Variants in HTT observed in about 807,000 individuals in gnomAD.
HTT encodes huntington disease protein.
HTT carries 104 observed loss-of-function variants against 362.3 expected under a neutral mutation model. The observed-to-expected ratio is 0.29, with a 90% CI of 0.24 to 0.34. HTT has a LOEUF of 0.34. HTT is among the 10% of genes least tolerant of loss of function. HTT has a pLI of 1.00. For missense variants in HTT, 3,301 were observed against 3,928.6 expected, an observed-to-expected ratio of 0.84 and a Z score of 4.27; for synonymous variants, 1,577 against 1,548.7, an observed-to-expected ratio of 1.02 and a Z score of -0.43.
At chr4:3,159,835 C>T (rs1413889985) in intron 28 of HTT, among the ~76,000 whole-genome samples, 1 of 152,168 alleles carries the variant, frequency 6.6e-6, no homozygotes, top group African/African-American at 2.4e-5. Context: ...ACACATCTTA[C>T]ACCTGATTTA....
intron 61 of HTT, 130 bp from the exon 62 acceptor site, chr4:3,235,154 T>G (rs2798230): frequency 0.98 from 653,325 of 664,262 alleles, 321,945 homozygotes; most frequent in East Asian, 1. Flanking sequence ...GGGGAGCCAC[T>G]CAGGGTAGGC....
chr4:3,208,410 A>G (rs1240177926), intron 45 of HTT, among the ~76,000 whole-genome samples: 1 of 152,246 alleles, frequency 6.6e-6, no homozygotes, highest in Non-Finnish European at 1.5e-5. Context: ...GAATTTGTGC[A>G]TTTGAGTCTT....
At chr4:3,183,735 T>G (rs889093527) in intron 37 of HTT, among the ~76,000 whole-genome samples, 1 of 152,206 alleles carries the variant, frequency 6.6e-6, no homozygotes, top group Admixed American at 6.5e-5. Flanking sequence ...TCCCATTCTT[T>G]TCTGTGCGTA....
chr4:3,085,470 C>T (rs1713160981), intron 1 of HTT, among the ~76,000 whole-genome samples: 1 of 151,842 alleles, frequency 6.6e-6, no homozygotes, highest in Non-Finnish European at 1.5e-5. Flanking sequence ...AAAGTGACTA[C>T]ATTTACCAAA....
chr4:3,181,292 A>C (rs1718514723), intron 36 of HTT, among the ~76,000 whole-genome samples: 1 of 152,236 alleles, frequency 6.6e-6, no homozygotes, highest in African/African-American at 2.4e-5. Flanking sequence ...ACGAGGACCA[A>C]AAATCAATTG....
chr4:3,211,421 A>G (rs183229364), intron 47 of HTT, among the ~76,000 whole-genome samples: 234 of 152,326 alleles, frequency 1.5e-3, no homozygotes, highest in Middle Eastern at 0.01. Flanking sequence ...TCGGCCACCA[A>G]TCTTTAAATG....
chr4:3,196,587 A>C (rs976316031), intron 40 of HTT, among the ~76,000 whole-genome samples: 1 of 151,908 alleles, frequency 6.6e-6, no homozygotes, highest in East Asian at 1.9e-4. Context: ...AAAATACAAA[A>C]ATTAGCTGGG....
intron 41 of HTT, among the ~76,000 whole-genome samples, chr4:3,201,718 C>G (rs1045139058): frequency 1.3e-5 from 2 of 152,040 alleles, no homozygotes; most frequent in African/African-American, 2.4e-5. Flanking sequence ...GTCCAAGATG[C>G]CCATAGAGAG....
intron 6 of HTT, chr4:3,112,995 C>T: frequency 3.1e-6 from 3 of 957,672 alleles, no homozygotes; most frequent in Non-Finnish European, 3.7e-6. Context: ...CTTAAAGTAC[C>T]CTTGGCTCTG....
Position 3,206,738 on chromosome 4 carries a change from T to G in HTT, c.5898+63T>G. ...TTTCCCTGCCTTAAAAATGGAGTAT[T>G]GAAATTTTTAACTTTAATTTCTGAT... On this transcript the variant is annotated intron_variant, in intron 43 of 66. Coordinates refer to ENST00000355072, the MANE Select transcript of HTT (RefSeq NM_001388492.1). This position sits in a 1 kb window ranked among gnomAD's most constrained non-coding sequence, Gnocchi z 4.6. 2.5e-6 allele frequency: 4 copies of G among 1,588,178 alleles called. No individual in the cohort carries two copies. The highest frequency in any genetic ancestry group is 3.4e-6 in the Non-Finnish European group (4 of 1,163,762).
At chr4:3,123,742 C>G (rs1715400783) in intron 10 of HTT, among the ~76,000 whole-genome samples, 1 of 152,124 alleles carries the variant, frequency 6.6e-6, no homozygotes. Flanking sequence ...ACCTGGTTAT[C>G]ATTTTTCAGC....
At position 3,228,004 on chromosome 4, in the gene HTT, AG is replaced by A. The variant is rs1204791598; in HGVS notation, c.7849-605del. ...CACTCCCTGCAGGGTGCTGGGTCCC[AG>A]GGGGGAAATGGCCCTTGGTGCCAAG... On this transcript the variant is annotated intron_variant, in intron 57 of 66. Transcript: ENST00000355072. This position sits in a 1 kb window ranked among gnomAD's most constrained non-coding sequence, Gnocchi z 4.3. 2.6e-5 allele frequency among the ~76,000 whole-genome samples: 4 copies of A among 152,148 alleles called. No individual in the cohort carries two copies. The highest frequency in any genetic ancestry group is 9.7e-5 in the African/African-American group (4 of 41,442).
intron 42 of HTT, among the ~76,000 whole-genome samples, chr4:3,204,420 A>G (rs1000167788): frequency 4.6e-5 from 7 of 152,250 alleles, no homozygotes; most frequent in Middle Eastern, 3.2e-3. Context: ...GCTCACGCCT[A>G]CATGATGCTG....
chr4:3,130,445 C>T (rs747794029), intron 14 of HTT, 22 bp downstream of exon 14: 61 of 1,313,020 alleles, frequency 4.6e-5, no homozygotes, highest in Non-Finnish European at 5.6e-5. Context: ...AGGCTTGAGA[C>T]GACTTGGTGT....
Position 3,180,583 on chromosome 4 carries a change from G to C in HTT, c.4681G>C (p.Gly1561Arg). Reference protein sequence around the residue: ...VLRGTNKADAGKELETQKEVV... With the variant: ...VLRGTNKADARKELETQKEVV... ...AAGAGGAACAAATAAAGCTGATGCA[G>C]GAAAAGAGCTTGAAACCCAAAAAGA... The change falls in exon 36 of 67, where the codon GGA becomes CGA. Residue 1561 changes from glycine to arginine, a missense_variant. Gly to Arg is a moderately radical substitution (Grantham distance 125). This residue lies in a region of HTT where 2,316 missense variants were observed against 2,658.5 expected (regional missense o/e 0.87). Transcript: ENST00000355072. 1 of 1,613,548 alleles carries C rather than the reference G, an allele frequency of 6.2e-7. No individual in the cohort carries two copies. The highest frequency in any genetic ancestry group is 8.5e-7 in the Non-Finnish European group (1 of 1,179,832).
At chr4:3,102,581 AT>A (rs1714209206) in intron 3 of HTT, among the ~76,000 whole-genome samples, 1 of 152,146 alleles carries the variant, frequency 6.6e-6, no homozygotes, top group South Asian at 2.1e-4. Flanking sequence ...TCTGGTTTTG[AT>A]TTTCAAGCTT....
At position 3,208,734 on chromosome 4, in the gene HTT, AC is replaced by A. The variant is rs147097135; in HGVS notation, c.6153-38del. ...AGACTAAGACTAAAAAAAAAAAAAA[AC>A]AAATTATACTGTAATTTCATTTTTA... On this transcript the variant is annotated intron_variant, in intron 45 of 66. Transcript: ENST00000355072. The A allele has an allele frequency of 1.1e-3, 1,642 of 1,530,882 alleles. 1 individual carries two copies. The highest frequency in any genetic ancestry group is 7.0e-3 in the African/African-American group (478 of 68,606). The allele number at this position is 1,530,882 out of a possible 1,614,324, so 94.8% of individuals were successfully genotyped here.
chr4:3,141,999 A>T (rs946804711), intron 22 of HTT, among the ~76,000 whole-genome samples: 2 of 152,204 alleles, frequency 1.3e-5, no homozygotes, highest in Non-Finnish European at 2.9e-5. Context: ...CAGAAGATGA[A>T]TATTTATTAA....
Position 3,131,308 on chromosome 4 carries a change from T to C in HTT, c.2009T>C (p.Ile670Thr), listed in dbSNP as rs1211552556. ...ENKPCRIKGD[I>T]GQSTDDDSAP... is the part of the protein sequence containing the mutation. ...TAGCCTTGCCGCATCAAAGGTGACA[T>C]TGGACAGTCCACTGATGATGACTCT... The change falls in exon 15 of 67, where the codon ATT (isoleucine) becomes ACT (threonine). Residue 670 changes from isoleucine to threonine, a missense_variant. Transcript: ENST00000355072. The C allele has an allele frequency of 3.1e-6, 5 of 1,613,662 alleles. No homozygotes were observed. The highest frequency in any genetic ancestry group is 1.3e-5 in the African/African-American group (1 of 74,888).
Sources: allele counts gnomAD v4.1 joint callset (sites outside exome capture counted in the v4.1 genomes callset), GRCh38; gene constraint gnomAD v4.1.1; regional missense constraint gnomAD v4.1.1; non-coding constraint Gnocchi (gnomAD v3.1); transcripts MANE v1.5; gene names NCBI Gene and HGNC (gene_info 2026-07-23, HGNC 2026-07-21).